Variants in PTPRN2 observed in about 807,000 individuals in gnomAD.
The protein encoded by PTPRN2 is protein tyrosine phosphatase receptor type N2, also known as receptor-type tyrosine-protein phosphatase N2.
PTPRN2 carries 74 observed loss-of-function variants against 118.8 expected under a neutral mutation model. The observed-to-expected ratio is 0.62, with a 90% CI of 0.52 to 0.76. The LOEUF (loss-of-function observed/expected upper bound fraction) is 0.76, where lower values mean the gene tolerates loss of function less well. Among genes scored for constraint, PTPRN2 ranks in the 30% least tolerant of loss-of-function variants. The pLI is 0.00. For synonymous variants in PTPRN2, 641 were observed against 608.0 expected (o/e 1.05, Z -0.80); for missense variants, 1,481 against 1,394.4 (o/e 1.06, Z -0.99).
intron 12 of PTPRN2, among the ~76,000 whole-genome samples, chr7:157,860,669 A>G (rs1810166906): frequency 6.6e-6 from 1 of 152,266 alleles, no homozygotes; most frequent in African/African-American, 2.4e-5. Context: ...GGGCCTTAAT[A>G]TCTCGCTCAC....
At chr7:157,934,134 T>C (rs1049022780) in intron 11 of PTPRN2, among the ~76,000 whole-genome samples, 17 of 152,210 alleles carry the variant, frequency 1.1e-4, no homozygotes, top group Non-Finnish European at 2.1e-4. Flanking sequence ...TGCGGATCCA[T>C]CTTGCCGCTG....
rs182596779 is a variant in PTPRN2, at chr7:158,512,590, C to A, written c.113-22805G>T. On this transcript the variant is annotated intron_variant, in intron 1 of 22. Coordinates refer to ENST00000389418, the MANE Select transcript of PTPRN2 (RefSeq NM_002847.5). ...CACACACACACACATCTTCTCGCTC[C>A]GTCAGCTGACATGTCCTACAGGCAA... Among the ~76,000 whole-genome samples the A allele has an allele frequency of 6.0e-4, 91 of 152,274 alleles. 1 individual carries two copies. The East Asian group carries it at 0.012, about 20-fold the overall frequency.
At chr7:157,540,873 G>GC in intron 22 of PTPRN2, 88 bp from the exon 23 acceptor site, 1 of 1,104,254 alleles carries the variant, frequency 9.1e-7, no homozygotes, top group Non-Finnish European at 1.3e-6. Flanking sequence ...GATGAAAGCG[G>GC]CGTCCCCCCT....
chr7:158,334,527 T>C (rs1358661200), intron 2 of PTPRN2, among the ~76,000 whole-genome samples: 13 of 106,024 alleles, frequency 1.2e-4, no homozygotes, highest in South Asian at 3.7e-4. Flanking sequence ...AGGTGACACC[T>C]GCAGACGTCA....
intron 12 of PTPRN2, among the ~76,000 whole-genome samples, chr7:157,743,840 G>A (rs1443118224): frequency 6.6e-6 from 1 of 152,240 alleles, no homozygotes; most frequent in South Asian, 2.1e-4. Context: ...GGCTGGGATA[G>A]TTATTTCCAG....
intron 2 of PTPRN2, among the ~76,000 whole-genome samples, chr7:158,317,632 C>T (rs1355266959): frequency 2.0e-5 from 3 of 152,214 alleles, no homozygotes; most frequent in African/African-American, 7.2e-5. Context: ...GGGTTTCAAA[C>T]ATTCAAATTA....
chr7:158,146,616 G>A (rs550831378), intron 6 of PTPRN2, among the ~76,000 whole-genome samples: 1 of 149,976 alleles, frequency 6.7e-6, no homozygotes, highest in Non-Finnish European at 1.5e-5. Flanking sequence ...AGCTACTCAG[G>A]AGCCTGAGGC....
In PTPRN2 at chr7:158,587,637, T is replaced by TAGC. The variant is rs759711876; in HGVS notation, c.30_32dup (p.Leu15dup). On this transcript the variant is annotated inframe_insertion, in exon 1 of 23. Coordinates refer to ENST00000389418, the MANE Select transcript of PTPRN2 (RefSeq NM_002847.5). ...GGACGCGTGGCGGCAGCAGCAGCAG[T>TAGC]AGCAGCAGCAGCAGCGGGAGCGGCG... 95 of 1,363,166 alleles carry TAGC rather than the reference T, an allele frequency of 7.0e-5. No individual in the cohort carries two copies. The African/African-American group carries it at 1.0e-3, about 15-fold the overall frequency. 84.4% of individuals were successfully genotyped at this position (1,363,166 alleles called of 1,614,324 possible).
intron 14 of PTPRN2, among the ~76,000 whole-genome samples, chr7:157,643,636 C>A (rs1055964405): frequency 2.6e-5 from 4 of 152,224 alleles, no homozygotes; most frequent in African/African-American, 9.6e-5. Context: ...CCGACGGAGC[C>A]CCTGTTCCTT....
chr7:158,061,068 T>C (rs1810289963), intron 11 of PTPRN2, among the ~76,000 whole-genome samples: 1 of 152,232 alleles, frequency 6.6e-6, no homozygotes, highest in African/African-American at 2.4e-5. Context: ...AAAGAGTGTT[T>C]TCCCCAACCC....
At chr7:157,672,133 T>C (rs1796447735) in intron 13 of PTPRN2, among the ~76,000 whole-genome samples, 1 of 151,724 alleles carries the variant, frequency 6.6e-6, no homozygotes, top group Non-Finnish European at 1.5e-5. Context: ...TCACTTGGGG[T>C]TGATTTGAAA....
chr7:157,942,687 C>A (rs1293720832), intron 11 of PTPRN2, among the ~76,000 whole-genome samples: 1 of 152,104 alleles, frequency 6.6e-6, no homozygotes, highest in Admixed American at 6.5e-5. Flanking sequence ...CAGTCCCTCA[C>A]TGTCTTTCCC....
At chr7:158,390,646 C>A (rs1811854419) in intron 2 of PTPRN2, among the ~76,000 whole-genome samples, 1 of 152,226 alleles carries the variant, frequency 6.6e-6, no homozygotes, top group South Asian at 2.1e-4. Flanking sequence ...CCCATGCCAA[C>A]TGCTGTCCAC....
intron 2 of PTPRN2, among the ~76,000 whole-genome samples, chr7:158,395,218 C>T (rs1448176138): frequency 6.8e-6 from 1 of 147,340 alleles, no homozygotes; most frequent in Non-Finnish European, 1.5e-5. Context: ...CTAGATGGCA[C>T]GCAGGCGCGG....
At chr7:158,277,969 C>A (rs943884138) in intron 3 of PTPRN2, among the ~76,000 whole-genome samples, 1 of 152,192 alleles carries the variant, frequency 6.6e-6, no homozygotes, top group African/African-American at 2.4e-5. Context: ...GAGGTGCCAG[C>A]CCTGCTCCTG....
intron 1 of PTPRN2, among the ~76,000 whole-genome samples, chr7:158,585,751 A>G (rs1429051634): frequency 2.0e-5 from 3 of 152,230 alleles, no homozygotes; most frequent in Admixed American, 1.3e-4. Flanking sequence ...CAAGGAAAGC[A>G]GTCAAGGACC....
At chr7:158,336,686 C>G (rs1300651505) in intron 2 of PTPRN2, among the ~76,000 whole-genome samples, 15 of 123,966 alleles carry the variant, frequency 1.2e-4, no homozygotes, top group Admixed American at 3.3e-4. Flanking sequence ...TAAGAGCTGA[C>G]GCCCGCAGAC....
chr7:157,562,584 G>A (rs1268584593), intron 21 of PTPRN2, among the ~76,000 whole-genome samples: 7 of 152,154 alleles, frequency 4.6e-5, no homozygotes, highest in South Asian at 2.1e-4. Context: ...TTCAAAGTCC[G>A]GGGACCTTCA....
At chr7:158,169,967 C>T (rs1317741353) in intron 5 of PTPRN2, among the ~76,000 whole-genome samples, 1 of 152,224 alleles carries the variant, frequency 6.6e-6, no homozygotes, top group Non-Finnish European at 1.5e-5. Flanking sequence ...GCTGGGATTA[C>T]AGTCATGAGC....
Sources: gnomAD v4.1 joint callset for allele counts (sites outside exome capture counted in the v4.1 genomes callset) on GRCh38, gnomAD v4.1.1 for gene constraint, MANE v1.5 for transcripts, NCBI Gene and HGNC (gene_info 2026-07-23, HGNC 2026-07-21) for gene names.